Variants in FOCAD observed in about 807,000 individuals in gnomAD.
FOCAD encodes the protein focadhesin, also known as KIAA1797.
In FOCAD, 198 loss-of-function variants were observed where a neutral mutation model predicts 225.6. That is an observed-to-expected ratio of 0.88 (90% CI 0.78 to 0.99). FOCAD has a LOEUF of 0.99. FOCAD is among the 50% of genes least tolerant of loss of function. The probability of loss-of-function intolerance (pLI) is 0.00; values close to 1 mark genes in which losing one functional copy is unlikely to be tolerated. For missense variants in FOCAD, 2,713 were observed against 2,123.6 expected (o/e 1.28, Z -5.46); for synonymous variants, 897 against 755.0 (o/e 1.19, Z -3.08).
At chr9:20,886,268 T>G (rs1463535589) in intron 21 of FOCAD, among the ~76,000 whole-genome samples, 1 of 152,144 alleles carries the variant, frequency 6.6e-6, no homozygotes, top group Non-Finnish European at 1.5e-5. Context: ...AGAAGAAGGA[T>G]CTGGGAAGAG....
In FOCAD at chr9:20,720,525, C is replaced by T; in HGVS notation, c.278C>T (p.Pro93Leu). The change falls in exon 4 of 44, where the codon CCA (proline) becomes CTA (leucine). Residue 93 changes from proline to leucine, a missense_variant. Coordinates refer to ENST00000338382, the MANE Select transcript of FOCAD (RefSeq NM_001375567.1). ...CTCAATGGGATACTCAACTTGATTC[C>T]ATCAACCAGGTACTTTTTCCTCAGT... ...YVLNGILNLI[P>L]STRNTHGLIK... is the part of the protein sequence containing the mutation. The T allele has an allele frequency of 6.2e-7, 1 of 1,613,684 alleles. No individual in the cohort carries two copies. Among genetic ancestry groups the T allele is most frequent in the Non-Finnish European group, 8.5e-7 (1 of 1,179,868 alleles).
intron 7 of FOCAD, among the ~76,000 whole-genome samples, chr9:20,767,971 A>C (rs1052850011): frequency 1.4e-4 from 21 of 152,092 alleles, no homozygotes; most frequent in African/African-American, 4.6e-4. Flanking sequence ...CTAATGTTTA[A>C]GTCTTTAATC....
At chr9:20,842,580 T>C (rs1263750355) in intron 15 of FOCAD, among the ~76,000 whole-genome samples, 1 of 152,040 alleles carries the variant, frequency 6.6e-6, no homozygotes, top group Non-Finnish European at 1.5e-5. Context: ...TACTATCTTT[T>C]CCATCCCCTT....
intron 15 of FOCAD, among the ~76,000 whole-genome samples, chr9:20,853,265 G>T (rs1328520524): frequency 6.6e-6 from 1 of 151,700 alleles, no homozygotes; most frequent in Non-Finnish European, 1.5e-5. Context: ...CTAGGCACCT[G>T]TAATTTCTCA....
chr9:20,938,930 G>A lies in FOCAD; in HGVS notation c.3408-5697G>A, dbSNP rs796907532. ...TGTACCCTTAAAAATGATAAAGATG[G>A]TACTTTTATATGTATATTTTACCTT... On this transcript the variant is annotated intron_variant, in intron 28 of 43. Transcript: ENST00000338382. Among the ~76,000 whole-genome samples the A allele has an allele frequency of 7.9e-4, 117 of 148,790 alleles. 1 individual carries two copies. The highest frequency in any genetic ancestry group is 2.7e-3 in the African/African-American group (111 of 40,760).
intron 5 of FOCAD, among the ~76,000 whole-genome samples, chr9:20,749,078 C>A (rs764903426): frequency 6.6e-6 from 1 of 151,988 alleles, no homozygotes. Context: ...GTTGTGGATC[C>A]CTAAGTACAT....
Position 20,789,384 on chromosome 9 carries a change from A to G in FOCAD, c.1231A>G (p.Met411Val). 2 of 1,614,004 alleles carry G rather than the reference A, an allele frequency of 1.2e-6. No homozygotes were observed. Among genetic ancestry groups the G allele is most frequent in the South Asian group, 2.2e-5 (2 of 91,076 alleles). ...SYKLVCPVTS[M>V]YGTIFTAWRI... is the part of the protein sequence containing the mutation. ...CAAGCTTGTGTGCCCTGTAACCAGT[A>G]TGTATGGTACAATATTTACAGCCTG... is the stretch of plus-strand genomic sequence containing the variant. The change falls in exon 11 of 44, where the codon ATG becomes GTG. Residue 411 changes from methionine to valine, a missense_variant. Transcript: ENST00000338382.
chr9:20,764,764 A>T, intron 6 of FOCAD, 105 bp from the exon 7 acceptor site: 2 of 840,602 alleles, frequency 2.4e-6, no homozygotes, highest in South Asian at 1.6e-5. Context: ...ACTTGATGAT[A>T]TGGTAGATTA....
intron 43 of FOCAD, 57 bp from the exon 44 acceptor site, chr9:20,995,499 C>G (rs1444619712): frequency 2.8e-6 from 4 of 1,449,340 alleles, no homozygotes; most frequent in Non-Finnish European, 3.9e-6. Context: ...GTTCTGACAC[C>G]TTTTTGATCA....
chr9:20,957,238 A>G (rs898841241), intron 35 of FOCAD, among the ~76,000 whole-genome samples: 3 of 42,600 alleles, frequency 7.0e-5, no homozygotes, highest in Non-Finnish European at 1.7e-4. Context: ...TAATTTCTGT[A>G]CTTTTTGTAG....
chr9:20,995,742 A>C lies in FOCAD; in HGVS notation c.*113A>C. 1.1e-6 allele frequency: 1 copy of C among 931,650 alleles called. No homozygotes were observed. The highest frequency in any genetic ancestry group is 2.6e-5 in the East Asian group (1 of 38,386). The allele number at this position is 931,650 out of a possible 1,614,324, so 57.7% of individuals were successfully genotyped here. ...TGCTGAGACATGATGCAGAGAGTTA[A>C]GGGTCATGAAAAGATGGCCACATCA... On this transcript the variant is annotated 3_prime_UTR_variant, in exon 44 of 44. Transcript: ENST00000338382.
chr9:20,770,031 G>T lies in FOCAD; in HGVS notation c.700-1G>T, dbSNP rs1278264887. ...TATCATATAATGACTTTTTTAAACAGGTAAAAGATTTGATACAGACAACAG... is the reference window on the plus strand; with the variant it reads ...TATCATATAATGACTTTTTTAAACATGTAAAAGATTTGATACAGACAACAG... On this transcript the variant is annotated splice_acceptor_variant, in intron 7 of 43. Coordinates refer to ENST00000338382, the MANE Select transcript of FOCAD (RefSeq NM_001375567.1). LOFTEE classifies it high-confidence loss of function. 1 of 1,612,746 alleles carries T rather than the reference G, an allele frequency of 6.2e-7. No individual in the cohort carries two copies.
intron 11 of FOCAD, among the ~76,000 whole-genome samples, chr9:20,813,545 C>T (rs1291082693): frequency 6.6e-6 from 1 of 152,110 alleles, no homozygotes; most frequent in African/African-American, 2.4e-5. Context: ...GTTAATCCCA[C>T]CAGGTATGAG....
At chr9:20,710,795 G>A (rs1342571877) in intron 1 of FOCAD, among the ~76,000 whole-genome samples, 1 of 151,978 alleles carries the variant, frequency 6.6e-6, no homozygotes, top group African/African-American at 2.4e-5. Context: ...CATTTATTTT[G>A]TTTATTTACC....
chr9:20,867,037 G>T, intron 18 of FOCAD, 25 bp downstream of exon 18: 1 of 1,471,622 alleles, frequency 6.8e-7, no homozygotes, highest in Non-Finnish European at 9.4e-7. Flanking sequence ...TTTCTCACTG[G>T]TATTTCTTAA....
chr9:20,757,115 G>C (rs1012666482), intron 5 of FOCAD, among the ~76,000 whole-genome samples: 3 of 152,158 alleles, frequency 2.0e-5, no homozygotes, highest in Non-Finnish European at 4.4e-5. Flanking sequence ...TTTTAGTAGA[G>C]ACAGGGTTTC....
At chr9:20,741,126 G>A (rs1827579556) in intron 5 of FOCAD, among the ~76,000 whole-genome samples, 2 of 152,210 alleles carry the variant, frequency 1.3e-5, no homozygotes, top group South Asian at 2.1e-4. Context: ...ATTGATTCAT[G>A]TGGGGAAGAT....
chr9:20,906,040 T>C (rs1391190704), intron 21 of FOCAD, among the ~76,000 whole-genome samples: 1 of 151,912 alleles, frequency 6.6e-6, no homozygotes, highest in Non-Finnish European at 1.5e-5. Flanking sequence ...TTTGTGTCCA[T>C]TTCTGGGTCT....
intron 40 of FOCAD, among the ~76,000 whole-genome samples, chr9:20,986,976 C>T (rs34215208): frequency 0.13 from 19,136 of 152,032 alleles, 1,535 homozygotes; most frequent in South Asian, 0.19. Flanking sequence ...ATTTTTAGAC[C>T]GTTTTAGACG....
Sources: gnomAD v4.1 joint callset for allele counts (sites outside exome capture counted in the v4.1 genomes callset) on GRCh38, gnomAD v4.1.1 for gene constraint, MANE v1.5 for transcripts, NCBI Gene and HGNC (gene_info 2026-07-23, HGNC 2026-07-21) for gene names.